MSRB3: variants seen among roughly 807,000 people sequenced by gnomAD.
The protein encoded by MSRB3 is methionine sulfoxide reductase B3, also known as methionine-R-sulfoxide reductase B3.
MSRB3 carries 13 observed loss-of-function variants against 21.0 expected under a neutral mutation model. The ratio of observed to expected loss-of-function variants is 0.62; its 90% CI spans 0.40 to 0.98. The LOEUF (loss-of-function observed/expected upper bound fraction) is 0.98, where lower values mean the gene tolerates loss of function less well. Ranked by LOEUF, MSRB3 falls within the 50% of genes least tolerant of loss-of-function variation. MSRB3 has a pLI of 0.00. For synonymous variants in MSRB3, 87 were observed against 88.6 expected, an observed-to-expected ratio of 0.98 and a Z score of 0.10; for missense variants, 199 against 230.3, an observed-to-expected ratio of 0.86 and a Z score of 0.88.
At chr12:65,373,361 C>G (rs1878426211) in intron 5 of MSRB3, among the ~76,000 whole-genome samples, 1 of 152,082 alleles carries the variant, frequency 6.6e-6, no homozygotes, top group South Asian at 2.1e-4. Context: ...TTAACCTTAA[C>G]TTATTAACTT....
chr12:65,306,923 G>A (rs554335663), intron 1 of MSRB3: 1 of 985,838 alleles, frequency 1.0e-6, no homozygotes, highest in East Asian at 1.1e-4. Context: ...TGGCCACCGT[G>A]GTTGGTAGGC....
At position 65,350,366 on chromosome 12, in the gene MSRB3, T is replaced by C. The variant is rs1876874782; in HGVS notation, c.264-18632T>C. ...TGTGATGCCTCCAGCTTTGCCAAAATGTAAAGACCATCGAGACTAGGAAGA... is the reference window on the plus strand; with the variant it reads ...TGTGATGCCTCCAGCTTTGCCAAAACGTAAAGACCATCGAGACTAGGAAGA... On this transcript the variant is annotated intron_variant, in intron 4 of 6. Coordinates refer to ENST00000308259, the MANE Select transcript of MSRB3 (RefSeq NM_001031679.3). Among the ~76,000 whole-genome samples the C allele has an allele frequency of 2.6e-5, 4 of 152,030 alleles. No homozygotes were observed. The South Asian group carries it at 8.3e-4, about 32-fold the overall frequency.
intron 4 of MSRB3, among the ~76,000 whole-genome samples, chr12:65,367,098 A>G (rs899449664): frequency 2.0e-5 from 3 of 152,210 alleles, no homozygotes; most frequent in Middle Eastern, 3.2e-3. Flanking sequence ...CTTCTGATAA[A>G]CCTTAGCAAA....
chr12:65,365,887 G>T (rs1457824763), intron 4 of MSRB3, among the ~76,000 whole-genome samples: 1 of 152,182 alleles, frequency 6.6e-6, no homozygotes, highest in Admixed American at 6.5e-5. Flanking sequence ...CAAGCTGGGG[G>T]AGAGGAGGGA....
rs185178015 is a variant in MSRB3, at chr12:65,441,135, C to G, written c.293-12593C>G. On this transcript the variant is annotated intron_variant, in intron 5 of 6. Coordinates refer to ENST00000308259, the MANE Select transcript of MSRB3 (RefSeq NM_001031679.3). ...AAATTTATCCGTCTGAGATTCAACA[C>G]TCTTCATGTGATGACATCTAATTTT... Among the ~76,000 whole-genome samples the G allele has an allele frequency of 4.2e-4, 64 of 152,002 alleles. 1 individual carries two copies. The highest frequency in any genetic ancestry group is 3.4e-3 in the Middle Eastern group (1 of 294).
At chr12:65,357,134 A>T (rs1441027411) in intron 4 of MSRB3, among the ~76,000 whole-genome samples, 1 of 151,956 alleles carries the variant, frequency 6.6e-6, no homozygotes, top group African/African-American at 2.4e-5. Context: ...AAATGAAGGT[A>T]CTACTCATTA....
intron 1 of MSRB3, among the ~76,000 whole-genome samples, chr12:65,288,410 A>T (rs1228262415): frequency 6.6e-6 from 1 of 152,082 alleles, no homozygotes; most frequent in Non-Finnish European, 1.5e-5. Context: ...ATGCAAAATT[A>T]TGTCTTTTTA....
intron 1 of MSRB3, among the ~76,000 whole-genome samples, chr12:65,301,490 A>C (rs1873328447): frequency 6.6e-6 from 1 of 152,176 alleles, no homozygotes; most frequent in African/African-American, 2.4e-5. Flanking sequence ...TTCTGATGAA[A>C]TCAGTGATGA....
At chr12:65,411,038 A>G (rs941172459) in intron 5 of MSRB3, among the ~76,000 whole-genome samples, 2 of 151,896 alleles carry the variant, frequency 1.3e-5, no homozygotes, top group Non-Finnish European at 2.9e-5. Flanking sequence ...TGTCTTGGGA[A>G]TGTGTTGAAT....
At chr12:65,299,854 A>G (rs752878496) in intron 1 of MSRB3, among the ~76,000 whole-genome samples, 14 of 152,184 alleles carry the variant, frequency 9.2e-5, no homozygotes, top group Non-Finnish European at 1.6e-4. Context: ...CTGTTCTGAA[A>G]TCACAGTCAA....
At chr12:65,373,765 T>A (rs907607625) in intron 5 of MSRB3, among the ~76,000 whole-genome samples, 1 of 151,984 alleles carries the variant, frequency 6.6e-6, no homozygotes, top group Non-Finnish European at 1.5e-5. Flanking sequence ...GGTTAGGAGA[T>A]CCTAAAAGAC....
chr12:65,284,756 G>C (rs192518515), intron 1 of MSRB3: 1 of 152,364 alleles, frequency 6.6e-6, no homozygotes, highest in African/African-American at 2.4e-5. Context: ...AAGATGCCGA[G>C]TCGGTATATG....
chr12:65,288,307 CA>C (rs921177297), intron 1 of MSRB3, among the ~76,000 whole-genome samples: 2,134 of 63,674 alleles, frequency 0.034, 25 homozygotes, highest in African/African-American at 0.078. Flanking sequence ...GTCCCCCCCG[CA>C]AAAAAAAAAA....
chr12:65,304,962 T>G (rs7952883), intron 1 of MSRB3: 149,966 of 152,368 alleles, frequency 0.98, 73,853 homozygotes, highest in Middle Eastern at 1. Flanking sequence ...AAAGTTGAAG[T>G]TGAAAGCAGT....
chr12:65,398,834 G>C (rs1412666048), intron 5 of MSRB3, among the ~76,000 whole-genome samples: 6 of 152,156 alleles, frequency 3.9e-5, no homozygotes, highest in African/African-American at 1.4e-4. Flanking sequence ...TGGCTACCCA[G>C]TTTTCCCAAC....
At chr12:65,432,643 G>A (rs1881935023) in intron 5 of MSRB3, among the ~76,000 whole-genome samples, 2 of 151,554 alleles carry the variant, frequency 1.3e-5, no homozygotes, top group Admixed American at 1.3e-4. Flanking sequence ...ATCCCCATTT[G>A]TAGCTTTTTT....
intron 5 of MSRB3, among the ~76,000 whole-genome samples, chr12:65,401,823 T>C (rs10878271): frequency 0.7 from 106,903 of 152,046 alleles, 38,004 homozygotes; most frequent in African/African-American, 0.8. Flanking sequence ...AAAAATCTCT[T>C]AGAATTTGCT....
At chr12:65,337,765 T>C (rs572303927) in intron 4 of MSRB3, among the ~76,000 whole-genome samples, 2 of 152,368 alleles carry the variant, frequency 1.3e-5, no homozygotes, top group South Asian at 4.1e-4. Context: ...TATTTTATAA[T>C]ATATTATTTG....
At chr12:65,461,246 GTGT>G (rs1430435806) in intron 6 of MSRB3, among the ~76,000 whole-genome samples, 1 of 152,164 alleles carries the variant, frequency 6.6e-6, no homozygotes, top group African/African-American at 2.4e-5. Flanking sequence ...GCAGAAATGG[GTGT>G]TTCCTGTGTC....
Sources: gnomAD v4.1 joint callset for allele counts (sites outside exome capture counted in the v4.1 genomes callset) on GRCh38, gnomAD v4.1.1 for gene constraint, MANE v1.5 for transcripts, NCBI Gene and HGNC (gene_info 2026-07-23, HGNC 2026-07-21) for gene names.